The following TKFC variants were observed in gnomAD, a reference collection of about 807,000 sequenced individuals.
The protein encoded by TKFC is triokinase/FMN cyclase.
TKFC carries 46 observed loss-of-function variants against 61.0 expected under a neutral mutation model. The observed-to-expected ratio is 0.75, with a 90% CI of 0.60 to 0.96. The LOEUF is 0.96. Ranked by LOEUF, TKFC falls within the 50% of genes least tolerant of loss-of-function variation. The pLI is 0.00. For synonymous variants in TKFC, 314 were observed against 330.1 expected (o/e 0.95, Z 0.53); for missense variants, 715 against 777.5 (o/e 0.92, Z 0.96).
intron 11 of TKFC, 87 bp from the exon 12 acceptor site, chr11:61,343,769 C>A: frequency 2.6e-6 from 4 of 1,528,966 alleles, no homozygotes; most frequent in Non-Finnish European, 3.5e-6. Context: ...GAAAGCCAGG[C>A]CACCAGGGTC....
In TKFC at chr11:61,347,148, A is replaced by G. The variant is rs960061566; in HGVS notation, c.*645A>G. ...GAATGGTAGAGGGGCTTTTCTTAGC[A>G]TTGAATTAATAATTCAGTGGCTCCT... On this transcript the variant is annotated 3_prime_UTR_variant, in exon 18 of 18. Coordinates refer to ENST00000394900, the MANE Select transcript of TKFC (RefSeq NM_015533.4). The G allele has an allele frequency of 3.0e-6, 3 of 985,334 alleles. No individual in the cohort carries two copies. In the African/African-American group the frequency reaches 5.2e-5, roughly 17 times the overall value. 61.0% of individuals were successfully genotyped at this position (985,334 alleles called of 1,614,324 possible).
In TKFC at chr11:61,342,785, T is replaced by C. The variant is rs774390541; in HGVS notation, c.806T>C (p.Leu269Pro). Residue 269 changes from leucine to proline, a missense_variant, in exon 10 of 18, where the codon CTG becomes CCG. Leu to Pro is a moderately conservative substitution (Grantham distance 98). Coordinates refer to ENST00000394900, the MANE Select transcript of TKFC (RefSeq NM_015533.4). ...GSSVVMMVNN[L>P]GGLSFLELGI... ...TCAGTTGTGATGATGGTCAACAACC[T>C]GGGTGGCCTGTCATTCCTGGAACTG... 13 of 1,614,010 alleles carry C rather than the reference T, an allele frequency of 8.1e-6. No individual in the cohort carries two copies. Among genetic ancestry groups the C allele is most frequent in the South Asian group, 1.1e-5 (1 of 91,082 alleles).
Position 61,346,056 on chromosome 11 carries a change from T to C in TKFC, c.1575+110T>C. 1 of 1,257,354 alleles carries C rather than the reference T, an allele frequency of 8.0e-7. No individual in the cohort carries two copies. Among genetic ancestry groups the C allele is most frequent in the Non-Finnish European group, 1.1e-6 (1 of 904,960 alleles). 77.9% of individuals were successfully genotyped at this position (1,257,354 alleles called of 1,614,324 possible). The stretch of plus-strand genomic sequence containing the variant: ...TAACCTTCCTGGACCGCAGTTTCCT[T>C]CTCTGTACAATGGAGATGAGCACCT... On this transcript the variant is annotated intron_variant, in intron 17 of 17. Coordinates refer to ENST00000394900, the MANE Select transcript of TKFC (RefSeq NM_015533.4). This position sits in a 1 kb window ranked among gnomAD's most constrained non-coding sequence, Gnocchi z 4.1.
In TKFC at chr11:61,339,355, G is replaced by A; in HGVS notation, c.406G>A (p.Val136Met). Residue 136 changes from valine to methionine, a missense_variant, in exon 5 of 18, where the codon GTG becomes ATG. Transcript: ENST00000394900. ...RAEGIPVEMV[V>M]IGDDSAFTVL... ...TGAAGGCATCCCGGTGGAGATGGTGGTGATTGGGGACGACAGCGCCTTCAC... is the reference window on the plus strand; with the variant it reads ...TGAAGGCATCCCGGTGGAGATGGTGATGATTGGGGACGACAGCGCCTTCAC... 6.2e-7 allele frequency: 1 copy of A among 1,613,778 alleles called. No homozygotes were observed. Among genetic ancestry groups the A allele is most frequent in the South Asian group, 1.1e-5 (1 of 91,088 alleles).
intron 7 of TKFC, 26 bp downstream of exon 7, chr11:61,341,938 C>G (rs778835536): frequency 6.2e-7 from 1 of 1,600,168 alleles, no homozygotes; most frequent in Admixed American, 1.7e-5. Flanking sequence ...TCCATCCCAG[C>G]CCTGCCTGCT....
chr11:61,346,558 C>T lies in TKFC; in HGVS notation c.*55C>T. ...TCCTCTCACTGCTGTGCTGAGGTGG[C>T]CTTTGTCACTTCCTTCTGCCTTCCA... On this transcript the variant is annotated 3_prime_UTR_variant, in exon 18 of 18. Coordinates refer to ENST00000394900, the MANE Select transcript of TKFC (RefSeq NM_015533.4). The surrounding 1 kb of genome is among the most constrained non-coding windows in gnomAD (Gnocchi z 4.1). The T allele has an allele frequency of 6.5e-7, 1 of 1,528,942 alleles. No individual in the cohort carries two copies. 94.7% of individuals were successfully genotyped at this position (1,528,942 alleles called of 1,614,324 possible).
In TKFC at chr11:61,346,595, C is replaced by G; in HGVS notation, c.*92C>G. The stretch of plus-strand genomic sequence containing the variant: ...CCTTCTGCCTTCCAACCCTCACCTT[C>G]CCCCGGCCTGGCCCCATTGGCCCAC... On this transcript the variant is annotated 3_prime_UTR_variant, in exon 18 of 18. Transcript: ENST00000394900. This position sits in a 1 kb window ranked among gnomAD's most constrained non-coding sequence, Gnocchi z 4.1. 1 of 1,501,124 alleles carries G rather than the reference C, an allele frequency of 6.7e-7. No homozygotes were observed. The highest frequency in any genetic ancestry group is 1.3e-5 in the South Asian group (1 of 76,644). The allele number at this position is 1,501,124 out of a possible 1,614,324, so 93.0% of individuals were successfully genotyped here.
At position 61,347,708 on chromosome 11, in the gene TKFC, T is replaced by G. The variant is rs200406480; in HGVS notation, c.*1205T>G. On this transcript the variant is annotated 3_prime_UTR_variant, in exon 18 of 18. Coordinates refer to ENST00000394900, the MANE Select transcript of TKFC (RefSeq NM_015533.4). ...AGGGAGTGGTTAAAGGCACTGGCTG[T>G]CGACTCATACACATGATCTGAAATC... 6 of 985,338 alleles carry G rather than the reference T, an allele frequency of 6.1e-6. No individual in the cohort carries two copies. In the African/African-American group the frequency reaches 1.0e-4, roughly 17 times the overall value. 61.0% of individuals were successfully genotyped at this position (985,338 alleles called of 1,614,324 possible).
In TKFC at chr11:61,346,454, T is replaced by C. The variant is rs1463478513; in HGVS notation, c.1679T>C (p.Val560Ala). ...CTGGAGCAGCCAGACCCCGGGGCGG[T>C]GGCAGCTGCTGCCATCCTCCGGGCC... ...ARLEQPDPGA[V>A]AAAAILRAIL... Residue 560 changes from valine (V) to alanine (A), a missense_variant, in exon 18 of 18, where the codon GTG becomes GCG. By Grantham distance (64) the Val-to-Ala change is moderately conservative (BLOSUM62 0). Transcript: ENST00000394900. The surrounding 1 kb of genome is among the most constrained non-coding windows in gnomAD (Gnocchi z 4.1). The C allele has an allele frequency of 2.5e-6, 4 of 1,610,218 alleles. No individual in the cohort carries two copies. The South Asian group carries it at 4.4e-5, about 18-fold the overall frequency.
rs1254358540 is a variant in TKFC at position 61,341,878 on chromosome 11, C to T, written c.621C>T (p.Phe207=). The change falls in exon 7 of 18, where the codon TTC becomes TTT. Residue 207 remains phenylalanine (F), a synonymous_variant. Transcript: ENST00000394900. ...GCGTCCCTGGTTCCAAACCCACCTT[C>T]GAGCTCTCAGCCGACGAGGTGGAGC... The part of the protein sequence containing the change: ...SCSVPGSKPT[F]ELSADEVELG... 4.3e-6 allele frequency: 7 copies of T among 1,613,740 alleles called. No individual in the cohort carries two copies. The highest frequency in any genetic ancestry group is 2.2e-5 in the East Asian group (1 of 44,890).
At chr11:61,344,113 T>G in intron 12 of TKFC, 23 bp from the exon 13 acceptor site, 1 of 1,611,172 alleles carries the variant, frequency 6.2e-7, no homozygotes, top group Non-Finnish European at 8.5e-7. Flanking sequence ...GTGGGCCTGT[T>G]CTTCAGCATC....
Position 61,347,684 on chromosome 11 carries a change from G to C in TKFC, c.*1181G>C, listed in dbSNP as rs1032362542. 1.0e-6 allele frequency: 1 copy of C among 985,464 alleles called. No homozygotes were observed. Among genetic ancestry groups the C allele is most frequent in the Non-Finnish European group, 1.2e-6 (1 of 829,942 alleles). The allele number at this position is 985,464 out of a possible 1,614,324, so 61.0% of individuals were successfully genotyped here. A position where few individuals can be genotyped will look rare whatever the true frequency, so the allele number is the denominator to read the frequency against. ...ACATGCCTGGCACACATGTAGGGTA[G>C]GGAGTGGTTAAAGGCACTGGCTGTC... On this transcript the variant is annotated 3_prime_UTR_variant, in exon 18 of 18. Transcript: ENST00000394900.
Position 61,342,835 on chromosome 11 carries a change from C to G in TKFC, c.856C>G (p.Arg286Gly). 3 of 1,613,978 alleles carry G rather than the reference C, an allele frequency of 1.9e-6. No homozygotes were observed. The highest frequency in any genetic ancestry group is 1.1e-5 in the South Asian group (1 of 91,086). The change falls in exon 10 of 18, where the codon CGC (arginine) becomes GGC (glycine). Residue 286 changes from arginine to glycine, a missense_variant. Coordinates refer to ENST00000394900, the MANE Select transcript of TKFC (RefSeq NM_015533.4). ...ELGIIADATV[R>G]SLEGRGVKIA... ...GGGCATCATAGCCGACGCTACCGTC[C>G]GCTCCCTGGGTGAGCCATGCACTGG...
chr11:61,343,799 C>T, intron 11 of TKFC, 57 bp from the exon 12 acceptor site: 1 of 1,574,498 alleles, frequency 6.4e-7, no homozygotes, highest in Non-Finnish European at 8.6e-7. Context: ...GGGTCCAAGC[C>T]CTGCTGAATC....
rs1307465772 is a variant in TKFC, at chr11:61,346,697, C to T, written c.*194C>T. On this transcript the variant is annotated 3_prime_UTR_variant, in exon 18 of 18. Coordinates refer to ENST00000394900, the MANE Select transcript of TKFC (RefSeq NM_015533.4). This position sits in a 1 kb window ranked among gnomAD's most constrained non-coding sequence, Gnocchi z 4.1. ...CACCCAGAGTGAGCTGGAGTGGGTCCCCATGCCTCTCCAGCATGCCCTTTC... is the reference window on the plus strand; with the variant it reads ...CACCCAGAGTGAGCTGGAGTGGGTCTCCATGCCTCTCCAGCATGCCCTTTC... The T allele has an allele frequency of 4.3e-6, 6 of 1,379,388 alleles. No individual in the cohort carries two copies. The African/African-American group carries it at 8.7e-5, about 20-fold the overall frequency. The allele number at this position is 1,379,388 out of a possible 1,614,324, so 85.4% of individuals were successfully genotyped here.
chr11:61,349,273 GC>G (rs1341832271), downstream of TKFC: 1 of 430,152 alleles, frequency 2.3e-6, no homozygotes, highest in East Asian at 4.5e-5. Flanking sequence ...CCATGGTGGG[GC>G]CAGGTGAAGC....
Position 61,338,147 on chromosome 11 carries a change from G to T in TKFC, c.193+17G>T. On this transcript the variant is annotated intron_variant, in intron 3 of 17. Coordinates refer to ENST00000394900, the MANE Select transcript of TKFC (RefSeq NM_015533.4). ...CCCATGCTGGTGAGTATCCTGGGGT[G>T]GGGCAGGGGGTACTAGTGGAGTGGA... The T allele has an allele frequency of 6.4e-7, 1 of 1,559,582 alleles. No individual in the cohort carries two copies.
downstream of TKFC, chr11:61,351,053 G>A: frequency 1.2e-6 from 2 of 1,614,048 alleles, no homozygotes; most frequent in Admixed American, 1.7e-5. Flanking sequence ...AGGATGTAGA[G>A]CACCAGCAGC....
chr11:61,341,687 T>C, intron 6 of TKFC, 136 bp from the exon 7 acceptor site: 3 of 1,233,248 alleles, frequency 2.4e-6, no homozygotes, highest in Non-Finnish European at 3.6e-6. Flanking sequence ...GTACCATGGC[T>C]GAGGTGGAGA....
Sources: allele counts gnomAD v4.1 joint callset, GRCh38; gene constraint gnomAD v4.1.1; non-coding constraint Gnocchi (gnomAD v3.1); transcripts MANE v1.5; gene names NCBI Gene and HGNC (gene_info 2026-07-23, HGNC 2026-07-21).